CDH13: variants seen among roughly 807,000 people sequenced by gnomAD.
The protein encoded by CDH13 is cadherin-13.
Under a neutral mutation model 63.8 loss-of-function variants are expected in CDH13, and 24 were observed. The ratio of observed to expected loss-of-function variants is 0.38; its 90% CI spans 0.27 to 0.53. The LOEUF (loss-of-function observed/expected upper bound fraction) is 0.53, where lower values mean the gene tolerates loss of function less well. Ranked by LOEUF, CDH13 falls within the 20% of genes least tolerant of loss-of-function variation. The pLI, the probability that CDH13 is intolerant of heterozygous loss-of-function variation, is 0.85. For missense variants in CDH13, 1,049 were observed against 903.1 expected (o/e 1.16, Z -2.07); for synonymous variants, 503 against 355.3 (o/e 1.42, Z -4.67).
chr16:83,363,702 G>C (rs2151388532), intron 6 of CDH13, among the ~76,000 whole-genome samples: 1 of 152,292 alleles, frequency 6.6e-6, no homozygotes, highest in South Asian at 2.1e-4. Flanking sequence ...TTATGAGCAG[G>C]ATGTTCCGTC....
rs543063915 is a variant in CDH13 at position 82,715,577 on chromosome 16, A to G, written c.45+88440A>G. 1.3e-3 allele frequency among the ~76,000 whole-genome samples: 191 copies of G among 152,262 alleles called. 1 individual carries two copies. The highest frequency in any genetic ancestry group is 4.0e-4 in the Non-Finnish European group (27 of 68,000). On this transcript the variant is annotated intron_variant, in intron 1 of 13. Coordinates refer to ENST00000567109, the MANE Select transcript of CDH13 (RefSeq NM_001257.5). ...GAACTGGTGGGCTTTTCACCTTGAA[A>G]TTGTTGATAGGGTAGCCAAACAGGA...
chr16:82,835,443 C>G (rs184813475), intron 1 of CDH13, among the ~76,000 whole-genome samples: 1 of 152,192 alleles, frequency 6.6e-6, no homozygotes, highest in South Asian at 2.1e-4. Flanking sequence ...ATATTCCAAG[C>G]TGCAAATATT....
At chr16:83,378,115 C>A (rs2091490222) in intron 6 of CDH13, among the ~76,000 whole-genome samples, 1 of 152,224 alleles carries the variant, frequency 6.6e-6, no homozygotes, top group Non-Finnish European at 1.5e-5. Flanking sequence ...GCACACCTTG[C>A]AGAAGCAGCA....
chr16:83,270,079 A>G (rs2088755801), intron 5 of CDH13, among the ~76,000 whole-genome samples: 2 of 152,240 alleles, frequency 1.3e-5, no homozygotes, highest in Admixed American at 1.3e-4. Context: ...GAAATTAATT[A>G]CTGAAGTAGT....
intron 4 of CDH13, among the ~76,000 whole-genome samples, chr16:83,207,935 C>G (rs1381274702): frequency 1.3e-5 from 2 of 152,108 alleles, no homozygotes; most frequent in Non-Finnish European, 2.9e-5. Flanking sequence ...ACCAGACTGG[C>G]AAAATGACCA....
intron 8 of CDH13, among the ~76,000 whole-genome samples, chr16:83,645,574 G>A (rs1018966099): frequency 1.3e-5 from 2 of 151,436 alleles, no homozygotes; most frequent in Non-Finnish European, 2.9e-5. Context: ...TTTTTTTAAA[G>A]GTACTCCATC....
intron 7 of CDH13, among the ~76,000 whole-genome samples, chr16:83,546,026 A>T (rs2075380057): frequency 6.6e-6 from 1 of 152,232 alleles, no homozygotes; most frequent in Non-Finnish European, 1.5e-5. Context: ...ACTTAAGTCC[A>T]GAAGTTCAGA....
At chr16:83,240,951 T>C (rs1430887768) in intron 5 of CDH13, among the ~76,000 whole-genome samples, 1 of 152,128 alleles carries the variant, frequency 6.6e-6, no homozygotes, top group African/African-American at 2.4e-5. Context: ...CATCTTGCAA[T>C]AGTAAAACTT....
intron 1 of CDH13, among the ~76,000 whole-genome samples, chr16:82,643,016 C>G (rs1374701337): frequency 2.6e-5 from 4 of 152,074 alleles, no homozygotes; most frequent in Admixed American, 6.5e-5. Context: ...AATCCAGAGA[C>G]AGAAAGCAGA....
chr16:83,705,082 T>C (rs4598897), intron 10 of CDH13, among the ~76,000 whole-genome samples: 28,722 of 152,232 alleles, frequency 0.19, 3,050 homozygotes, highest in African/African-American at 0.3. Flanking sequence ...ATTGACTTCA[T>C]TTCTAAAACA....
At chr16:83,081,735 A>G (rs192827729) in intron 3 of CDH13, among the ~76,000 whole-genome samples, 1 of 152,026 alleles carries the variant, frequency 6.6e-6, no homozygotes, top group African/African-American at 2.4e-5. Context: ...GCTCGCAAGG[A>G]TCATCTCCTT....
chr16:83,184,143 T>G (rs62036639), intron 4 of CDH13, among the ~76,000 whole-genome samples: 1 of 112,366 alleles, frequency 8.9e-6, no homozygotes, highest in African/African-American at 4.5e-5. Flanking sequence ...CACACACAAC[T>G]AGTAAAAAAA....
At chr16:83,221,812 G>T (rs2039709763) in intron 5 of CDH13, among the ~76,000 whole-genome samples, 1 of 152,130 alleles carries the variant, frequency 6.6e-6, no homozygotes, top group African/African-American at 2.4e-5. Context: ...GAATGTCAGA[G>T]CTGGGTGGGA....
At chr16:83,123,983 G>A (rs994175951) in intron 3 of CDH13, among the ~76,000 whole-genome samples, 2 of 152,146 alleles carry the variant, frequency 1.3e-5, no homozygotes, top group Non-Finnish European at 2.9e-5. Flanking sequence ...TCATATGTCT[G>A]TTGGCCCGTC....
At chr16:83,401,050 CA>C (rs1252911270) in intron 6 of CDH13, among the ~76,000 whole-genome samples, 5 of 151,990 alleles carry the variant, frequency 3.3e-5, no homozygotes, top group Non-Finnish European at 5.9e-5. Context: ...TTAAAAAATA[CA>C]AAAAATTGGC....
At chr16:83,693,466 G>C (rs1006787215) in intron 10 of CDH13, among the ~76,000 whole-genome samples, 2 of 152,184 alleles carry the variant, frequency 1.3e-5, no homozygotes, top group African/African-American at 4.8e-5. Flanking sequence ...TTGTGGATTA[G>C]TTTATTTTTA....
chr16:83,061,568 C>T (rs533332468), intron 3 of CDH13, among the ~76,000 whole-genome samples: 7 of 152,276 alleles, frequency 4.6e-5, no homozygotes, highest in South Asian at 4.1e-4. Flanking sequence ...TCTCCTATGT[C>T]CTGAATGACC....
chr16:83,000,220 CTTATTTTTTTTTTT>C lies in CDH13; in HGVS notation c.158-31787_158-31774del, dbSNP rs1912723584. Among the ~76,000 whole-genome samples, 75 of 33,964 alleles carry C rather than the reference CTTATTTTTTTTTTT, an allele frequency of 2.2e-3. 4 individuals are homozygous for C. Among genetic ancestry groups the C allele is most frequent in the South Asian group, 4.0e-3 (4 of 1,012 alleles). The allele number at this position is 33,964 out of a possible 152,430, so 22.3% of individuals were successfully genotyped here. ...TCCCTAGGAATATCCACAGGTTTAG[CTTATTTTTTTTTTT>C]TTTTTTTTTTTTTTTTTTTTTTTTT... is the stretch of plus-strand genomic sequence containing the variant. On this transcript the variant is annotated intron_variant, in intron 2 of 13. Transcript: ENST00000567109.
chr16:83,572,311 C>T (rs936906083), intron 7 of CDH13, among the ~76,000 whole-genome samples: 3 of 151,826 alleles, frequency 2.0e-5, no homozygotes, highest in African/African-American at 7.3e-5. Flanking sequence ...CTCAGCCTCC[C>T]GAGTAGCTGG....
Sources: gnomAD v4.1 joint callset for allele counts (sites outside exome capture counted in the v4.1 genomes callset) on GRCh38, gnomAD v4.1.1 for gene constraint, MANE v1.5 for transcripts, NCBI Gene and HGNC (gene_info 2026-07-23, HGNC 2026-07-21) for gene names.